Variants in AAMDC observed in about 807,000 individuals in gnomAD.
The protein encoded by AAMDC is adipogenesis associated Mth938 domain containing.
A neutral mutation model predicts 15.5 loss-of-function variants in AAMDC; 16 were observed. The ratio of observed to expected loss-of-function variants is 1.03; its 90% confidence interval spans 0.70 to 1.57. The LOEUF is 1.57. Among genes scored for constraint, AAMDC ranks in the 40% most tolerant of loss-of-function variants. AAMDC has a pLI of 0.00. For synonymous variants in AAMDC, 51 were observed against 51.6 expected (o/e 0.99, Z 0.05); for missense variants, 141 against 144.9 (o/e 0.97, Z 0.14).
At chr11:77,892,788 T>G (rs1169977093) in intron 5 of AAMDC, among the ~76,000 whole-genome samples, 1 of 152,180 alleles carries the variant, frequency 6.6e-6, no homozygotes, top group African/African-American at 2.4e-5. Flanking sequence ...TGTCACTATA[T>G]TGGCCAGGCT....
chr11:77,857,464 A>G (rs1019346669), intron 2 of AAMDC, among the ~76,000 whole-genome samples: 3 of 152,220 alleles, frequency 2.0e-5, no homozygotes, highest in African/African-American at 4.8e-5. Context: ...AGGAATATCT[A>G]CAAATATTTA....
chr11:77,841,293 C>G lies in AAMDC; in HGVS notation c.-18-1186C>G. ...ATGAGTTTGGAAGGGTGCAGACATT[C>G]AAACCATAGCACTAAACTAAATCTA... is the stretch of plus-strand genomic sequence containing the variant. On this transcript the variant is annotated intron_variant, in intron 1 of 3. Coordinates refer to ENST00000393427, the MANE Select transcript of AAMDC (RefSeq NM_024684.4). The G allele has an allele frequency of 4.3e-6, 3 of 699,406 alleles. No homozygotes were observed. In the South Asian group the frequency reaches 4.5e-5, roughly 10 times the overall value. The allele number at this position is 699,406 out of a possible 1,614,324, so 43.3% of individuals were successfully genotyped here.
intron 5 of AAMDC, chr11:77,883,800 T>C (rs1368641371): frequency 1.2e-6 from 2 of 1,608,582 alleles, no homozygotes; most frequent in Admixed American, 1.7e-5. Context: ...CAGCAGCATA[T>C]TTCCCTTCCC....
At chr11:77,902,917 T>G (rs1426342921), downstream of AAMDC, among the ~76,000 whole-genome samples, 3 of 152,006 alleles carry the variant, frequency 2.0e-5, no homozygotes, top group Non-Finnish European at 4.4e-5. Flanking sequence ...CTTAACTGAG[T>G]TGGGCTACAT....
At chr11:77,872,146 AC>A in intron 3 of AAMDC, 28 bp from the exon 4 acceptor site, 1 of 1,603,730 alleles carries the variant, frequency 6.2e-7, no homozygotes, top group Non-Finnish European at 8.5e-7. Context: ...CTTTCCCCCT[AC>A]TTACTCATCT....
downstream of AAMDC, among the ~76,000 whole-genome samples, chr11:77,902,173 C>G (rs1187137408): frequency 6.6e-6 from 1 of 152,210 alleles, no homozygotes; most frequent in Non-Finnish European, 1.5e-5. Context: ...TCCAGACTCT[C>G]TTACAATTGG....
At chr11:77,847,129 C>T (rs577332448) in intron 2 of AAMDC, among the ~76,000 whole-genome samples, 2 of 152,092 alleles carry the variant, frequency 1.3e-5, no homozygotes, top group Admixed American at 6.5e-5. Flanking sequence ...CATTTGCCCA[C>T]GGGTGGAATT....
chr11:77,860,012 C>T (rs1321976937), intron 2 of AAMDC, among the ~76,000 whole-genome samples: 1 of 152,166 alleles, frequency 6.6e-6, no homozygotes, highest in Non-Finnish European at 1.5e-5. Flanking sequence ...CTGCCATTAC[C>T]CATAAACAAT....
At chr11:77,861,654 T>G (rs1035192869) in intron 2 of AAMDC, among the ~76,000 whole-genome samples, 19 of 152,212 alleles carry the variant, frequency 1.2e-4, no homozygotes, top group African/African-American at 4.3e-4. Flanking sequence ...CTTATTTCTA[T>G]GTGGACAATC....
chr11:77,822,608 G>A (rs187674823), intron 1 of AAMDC, among the ~76,000 whole-genome samples: 13 of 152,200 alleles, frequency 8.5e-5, no homozygotes, highest in Admixed American at 5.9e-4. Flanking sequence ...CCATAAGGGT[G>A]TGTATTATTC....
At chr11:77,862,773 T>C (rs1017913931) in intron 2 of AAMDC, among the ~76,000 whole-genome samples, 1 of 152,202 alleles carries the variant, frequency 6.6e-6, no homozygotes, top group Non-Finnish European at 1.5e-5. Flanking sequence ...TGTAAGATGG[T>C]GTTATAATTT....
chr11:77,860,603 T>C (rs1328887997), intron 2 of AAMDC, among the ~76,000 whole-genome samples: 2 of 152,102 alleles, frequency 1.3e-5, no homozygotes, highest in Non-Finnish European at 2.9e-5. Context: ...AGGACAAGAG[T>C]GTCCAGGTGT....
intron 2 of AAMDC, among the ~76,000 whole-genome samples, chr11:77,862,144 T>G (rs1326656585): frequency 1.3e-5 from 2 of 152,194 alleles, no homozygotes; most frequent in Non-Finnish European, 2.9e-5. Flanking sequence ...ATCTGTATGT[T>G]CTGATTCTGT....
chr11:77,848,453 G>A (rs1044797496), intron 2 of AAMDC, among the ~76,000 whole-genome samples: 7 of 152,170 alleles, frequency 4.6e-5, no homozygotes, highest in Admixed American at 3.9e-4. Flanking sequence ...TGCCTCCCAG[G>A]TTCAAGCGAT....
chr11:77,855,158 C>T (rs1010037292), intron 2 of AAMDC, among the ~76,000 whole-genome samples: 1 of 152,180 alleles, frequency 6.6e-6, no homozygotes, highest in Non-Finnish European at 1.5e-5. Context: ...ACCATTATTT[C>T]CTCCTAGGCC....
At chr11:77,854,904 G>A (rs550402901) in intron 2 of AAMDC, among the ~76,000 whole-genome samples, 2 of 152,290 alleles carry the variant, frequency 1.3e-5, no homozygotes, top group South Asian at 4.2e-4. Context: ...TGGACATCAG[G>A]CATTTCCATA....
intron 5 of AAMDC, among the ~76,000 whole-genome samples, chr11:77,897,220 G>A (rs753900760): frequency 1.3e-4 from 20 of 151,824 alleles, no homozygotes; most frequent in Non-Finnish European, 7.4e-5. Context: ...AAGATTATAA[G>A]TGGTGGCTCA....
chr11:77,838,811 T>C (rs1949805915), intron 1 of AAMDC, among the ~76,000 whole-genome samples: 3 of 151,792 alleles, frequency 2.0e-5, no homozygotes, highest in Admixed American at 6.6e-5. Flanking sequence ...AGAGACGGAG[T>C]TTCACCGTGT....
chr11:77,894,817 A>C (rs2136409633), intron 5 of AAMDC, among the ~76,000 whole-genome samples: 1 of 152,324 alleles, frequency 6.6e-6, no homozygotes, highest in South Asian at 2.1e-4. Flanking sequence ...AGATCTATCC[A>C]GTTTCAAGAA....
Sources: gnomAD v4.1 joint callset for allele counts (sites outside exome capture counted in the v4.1 genomes callset) on GRCh38, gnomAD v4.1.1 for gene constraint, MANE v1.5 for transcripts, NCBI Gene and HGNC (gene_info 2026-07-23, HGNC 2026-07-21) for gene names.